ACCS: variants seen among roughly 807,000 people sequenced by gnomAD.
The protein encoded by ACCS is 1-aminocyclopropane-1-carboxylate synthase homolog (inactive).
ACCS carries 42 observed loss-of-function variants against 59.8 expected under a neutral mutation model. The ratio of observed to expected loss-of-function variants is 0.70; its 90% confidence interval spans 0.55 to 0.91. The LOEUF (loss-of-function observed/expected upper bound fraction) is 0.91. Ranked by LOEUF, ACCS falls within the 40% of genes least tolerant of loss-of-function variation. The probability of loss-of-function intolerance (pLI) is 0.00; values close to 1 mark genes in which losing one functional copy is unlikely to be tolerated. For missense variants in ACCS, 602 were observed against 630.4 expected, an observed-to-expected ratio of 0.95 and a Z score of 0.48; for synonymous variants, 230 against 240.3, an observed-to-expected ratio of 0.96 and a Z score of 0.40.
intron 9 of ACCS, chr11:44,079,199 C>T (rs956619750): frequency 1.3e-5 from 5 of 399,876 alleles, no homozygotes; most frequent in African/African-American, 6.0e-5. Flanking sequence ...GCTCACTGAG[C>T]CTTAGAGTGG....
At chr11:44,076,268 C>T (rs1953356718) in intron 6 of ACCS, among the ~76,000 whole-genome samples, 2 of 152,218 alleles carry the variant, frequency 1.3e-5, no homozygotes, top group Admixed American at 1.3e-4. Flanking sequence ...GAGACCCATT[C>T]ATGGTAACTT....
chr11:44,070,438 G>A (rs538511400), intron 2 of ACCS, among the ~76,000 whole-genome samples: 1 of 152,286 alleles, frequency 6.6e-6, no homozygotes, highest in South Asian at 2.1e-4. Context: ...GCTCTGTTTC[G>A]AGGAGCTTCC....
At chr11:44,080,234 G>A (rs988074287) in intron 10 of ACCS, among the ~76,000 whole-genome samples, 3 of 152,198 alleles carry the variant, frequency 2.0e-5, no homozygotes, top group African/African-American at 7.2e-5. Flanking sequence ...GAAAGAAAAA[G>A]AAAGTGGGGA....
chr11:44,079,327 A>G (rs1298951147), intron 9 of ACCS: 4 of 554,880 alleles, frequency 7.2e-6, no homozygotes, highest in Admixed American at 6.3e-5. Context: ...CAGTGCTTCA[A>G]AAGCTCCTCT....
In ACCS at chr11:44,084,082, C is replaced by T. The variant is rs771375920; in HGVS notation, c.*290C>T. On this transcript the variant is annotated 3_prime_UTR_variant, in exon 15 of 15. Transcript: ENST00000263776. ...TCGTGACTGCTTCTAACCAGAGCCT[C>T]AGCCCCCCTGAGGATGTGAAAAGAA... The T allele has an allele frequency of 1.3e-5, 5 of 375,648 alleles. No homozygotes were observed. The highest frequency in any genetic ancestry group is 1.8e-5 in the Non-Finnish European group (4 of 217,536). The allele number at this position is 375,648 out of a possible 1,614,324, so 23.3% of individuals were successfully genotyped here.
At chr11:44,074,760 CTTTCTTTCTTTCTTTT>C (rs1953253486) in intron 5 of ACCS, 79 bp downstream of exon 5, 1 of 519,630 alleles carries the variant, frequency 1.9e-6, no homozygotes, top group African/African-American at 2.3e-5. Flanking sequence ...TTCTTTCTTT[CTTTCTTTCTTTCTTTT>C]TCTCTCTCTC....
chr11:44,073,465 C>G lies in ACCS; in HGVS notation c.367C>G (p.Gln123Glu), dbSNP rs1475694636. ...TCCCCAGCTGAGTCAGCGCGACATG[C>G]AGAGGGTGGAGCCATCCCTGCTGCA... ...LSWRLSQRDM[Q>E]RVEPSLLQYA... Residue 123 changes from glutamine to glutamate, a missense_variant, in exon 4 of 15, where the codon CAG (glutamine) becomes GAG (glutamate). Physicochemically the swap from Gln to Glu is conservative, Grantham distance 29 (BLOSUM62 2). Coordinates refer to ENST00000263776, the MANE Select transcript of ACCS (RefSeq NM_032592.4). 5 of 1,608,542 alleles carry G rather than the reference C, an allele frequency of 3.1e-6. No homozygotes were observed. The highest frequency in any genetic ancestry group is 4.2e-6 in the Non-Finnish European group (5 of 1,177,848).
At chr11:44,081,444 C>T in intron 12 of ACCS, 124 bp downstream of exon 12, 2 of 1,432,252 alleles carry the variant, frequency 1.4e-6, no homozygotes, top group Non-Finnish European at 1.9e-6. Context: ...AGTGCCAGCT[C>T]TGAGCCCCGA....
chr11:44,078,888 C>A, intron 9 of ACCS, 104 bp downstream of exon 9: 1 of 934,158 alleles, frequency 1.1e-6, no homozygotes, highest in Non-Finnish European at 1.6e-6. Flanking sequence ...CTGTGGGCTG[C>A]TACTTGCTTG....
intron 3 of ACCS, chr11:44,071,621 C>T: frequency 3.6e-6 from 1 of 277,128 alleles, no homozygotes; most frequent in Non-Finnish European, 6.8e-6. Flanking sequence ...GCAATTAGCT[C>T]TTCAGGGGGA....
At chr11:44,072,169 T>TTTA (rs1953083234) in intron 3 of ACCS, 1 of 152,028 alleles carries the variant, frequency 6.6e-6, no homozygotes, top group South Asian at 2.1e-4. Flanking sequence ...TATTTATTTA[T>TTTA]TTATTTAAGA....
intron 3 of ACCS, among the ~76,000 whole-genome samples, chr11:44,072,743 C>T (rs1291627365): frequency 2.6e-5 from 4 of 152,092 alleles, no homozygotes; most frequent in Non-Finnish European, 5.9e-5. Flanking sequence ...TTCAGATGAA[C>T]CACATTTCAA....
intron 2 of ACCS, among the ~76,000 whole-genome samples, chr11:44,070,370 A>T (rs1368518653): frequency 6.6e-6 from 1 of 152,118 alleles, no homozygotes; most frequent in Non-Finnish European, 1.5e-5. Context: ...AGGGTGAGAC[A>T]TGGTTGGACT....
intron 2 of ACCS, among the ~76,000 whole-genome samples, chr11:44,070,266 G>A (rs990085408): frequency 2.6e-5 from 4 of 152,106 alleles, no homozygotes; most frequent in African/African-American, 9.7e-5. Context: ...ATTTGACTTG[G>A]CAGGTGAGAC....
Position 44,078,711 on chromosome 11 carries a change from A to C in ACCS, c.760A>C (p.Ile254Leu), listed in dbSNP as rs1412390657. 6.2e-7 allele frequency: 1 copy of C among 1,614,024 alleles called. No individual in the cohort carries two copies. The highest frequency in any genetic ancestry group is 8.5e-7 in the Non-Finnish European group (1 of 1,179,984). The change falls in exon 9 of 15, where the codon ATC (isoleucine) becomes CTC (leucine). Residue 254 changes from isoleucine (I) to leucine (L), a missense_variant. Transcript: ENST00000263776. ...EGVKVKGLILISPQNPLGDVY... is the reference protein window; with the variant it reads ...EGVKVKGLILLSPQNPLGDVY... ...TGTGAAGGTCAAAGGCCTCATCCTC[A>C]TCAGCCCCCAGAACCCTCTGGGTGA...
intron 5 of ACCS, among the ~76,000 whole-genome samples, 193 bp downstream of exon 5, chr11:44,074,874 G>C (rs1953277249): frequency 7.0e-6 from 1 of 142,906 alleles, no homozygotes; most frequent in African/African-American, 2.6e-5. Context: ...ACCCAGACTG[G>C]AATGTAATGG....
rs1953757325 is a variant in ACCS at position 44,083,980 on chromosome 11, G to A, written c.*188G>A. 7.7e-7 allele frequency: 1 copy of A among 1,299,336 alleles called. No homozygotes were observed. Among genetic ancestry groups the A allele is most frequent in the Admixed American group, 2.8e-5 (1 of 35,198 alleles). 80.5% of individuals were successfully genotyped at this position (1,299,336 alleles called of 1,614,324 possible). On this transcript the variant is annotated 3_prime_UTR_variant, in exon 15 of 15. Transcript: ENST00000263776. ...AACTCCTTAAGCTGTGGTTCAGCCT[G>A]GGCCCTCCCTCTCTCCTATTAAACA...
intron 2 of ACCS, among the ~76,000 whole-genome samples, chr11:44,069,786 AG>A: frequency 6.6e-6 from 1 of 152,370 alleles, no homozygotes; most frequent in East Asian, 1.9e-4. Flanking sequence ...ATGGTACCCA[AG>A]ATGGAAAGCC....
chr11:44,082,765 T>C (rs1264212987), intron 12 of ACCS, among the ~76,000 whole-genome samples: 1 of 152,122 alleles, frequency 6.6e-6, no homozygotes, highest in East Asian at 1.9e-4. Flanking sequence ...GTACAAACAA[T>C]GAGGATCAGA....
Sources: gnomAD v4.1 joint callset for allele counts (sites outside exome capture counted in the v4.1 genomes callset) on GRCh38, gnomAD v4.1.1 for gene constraint, MANE v1.5 for transcripts, NCBI Gene and HGNC (gene_info 2026-07-23, HGNC 2026-07-21) for gene names.